NRXN3: variants seen among roughly 807,000 people sequenced by gnomAD.
NRXN3 encodes neurexin III.
A neutral mutation model predicts 137.6 loss-of-function variants in NRXN3; 32 were observed. That is an observed-to-expected ratio of 0.23 (90% CI 0.18 to 0.31). NRXN3 has a LOEUF of 0.31. Among genes scored for constraint, NRXN3 ranks in the 10% least tolerant of loss-of-function variants. The probability of loss-of-function intolerance (pLI) is 1.00; values close to 1 mark genes in which losing one functional copy is unlikely to be tolerated. For missense variants in NRXN3, 1,574 were observed against 2,062.5 expected, an observed-to-expected ratio of 0.76 and a Z score of 4.59; for synonymous variants, 798 against 784.5, an observed-to-expected ratio of 1.02 and a Z score of -0.29.
At chr14:78,684,113 G>C (rs1334876889) in intron 6 of NRXN3, among the ~76,000 whole-genome samples, 1 of 151,952 alleles carries the variant, frequency 6.6e-6, no homozygotes, top group Admixed American at 6.6e-5. Flanking sequence ...TCTCATCTGG[G>C]GGCCTCTCTT....
intron 14 of NRXN3, among the ~76,000 whole-genome samples, chr14:78,969,751 T>G (rs955627317): frequency 6.6e-5 from 10 of 152,114 alleles, no homozygotes; most frequent in Non-Finnish European, 1.5e-4. Context: ...ACCCACTCCA[T>G]TTTTCCTTTA....
At chr14:79,148,406 G>C (rs2059497635) in intron 15 of NRXN3, among the ~76,000 whole-genome samples, 1 of 152,174 alleles carries the variant, frequency 6.6e-6, no homozygotes. Context: ...ACAGAGCCAA[G>C]CTGCTGTTGT....
chr14:78,667,974 C>T (rs1400017222), intron 6 of NRXN3, among the ~76,000 whole-genome samples: 8 of 152,048 alleles, frequency 5.3e-5, no homozygotes, highest in African/African-American at 9.7e-5. Flanking sequence ...TTGGTAGAGA[C>T]GGGATTTCAC....
At chr14:78,450,025 T>A (rs1013714119) in intron 4 of NRXN3, among the ~76,000 whole-genome samples, 5 of 152,152 alleles carry the variant, frequency 3.3e-5, no homozygotes, top group Non-Finnish European at 5.9e-5. Context: ...TGACAGAGGG[T>A]CCCAAAGGTG....
At chr14:79,277,019 A>G (rs1455495356) in intron 15 of NRXN3, among the ~76,000 whole-genome samples, 1 of 152,216 alleles carries the variant, frequency 6.6e-6, no homozygotes, top group Non-Finnish European at 1.5e-5. Flanking sequence ...ACAAGTATAC[A>G]GATAAAATAA....
intron 16 of NRXN3, among the ~76,000 whole-genome samples, chr14:79,546,034 C>T (rs142120290): frequency 1.3e-5 from 2 of 152,096 alleles, no homozygotes; most frequent in Non-Finnish European, 2.9e-5. Context: ...AGCTTCTCTG[C>T]ACAAGCTCTC....
chr14:78,969,889 C>A (rs75305665), intron 14 of NRXN3, among the ~76,000 whole-genome samples: 3,152 of 150,088 alleles, frequency 0.021, 42 homozygotes, highest in Non-Finnish European at 0.033. Flanking sequence ...ATCACTAAGC[C>A]CTTAAAGCAG....
At chr14:79,519,979 G>A (rs2097046865) in intron 16 of NRXN3, among the ~76,000 whole-genome samples, 2 of 151,882 alleles carry the variant, frequency 1.3e-5, no homozygotes, top group African/African-American at 4.8e-5. Flanking sequence ...GAATAAGCAA[G>A]ATGATTTAAA....
At chr14:79,852,678 C>T (rs879845909) in intron 20 of NRXN3, among the ~76,000 whole-genome samples, 24 of 151,814 alleles carry the variant, frequency 1.6e-4, no homozygotes, top group African/African-American at 3.9e-4. Context: ...TTGGCTATCA[C>T]GAAAAGGGGA....
intron 15 of NRXN3, among the ~76,000 whole-genome samples, chr14:79,140,078 A>G (rs1370028120): frequency 1.3e-5 from 2 of 152,024 alleles, no homozygotes; most frequent in East Asian, 1.9e-4. Context: ...TGAAGACAAT[A>G]AAATTGTCAT....
At position 79,750,508 on chromosome 14, in the gene NRXN3, A is replaced by T. The variant is rs181129246; in HGVS notation, c.4014+52571A>T. On this transcript the variant is annotated intron_variant, in intron 19 of 20. Coordinates refer to ENST00000335750, the MANE Select transcript of NRXN3 (RefSeq NM_001330195.2). Reference sequence around the variant, plus strand: ...AGACTTTCAGCAAGTTGTCTTTATGATTCTCTATTCTATGACATACTTTGT... The same window carrying T: ...AGACTTTCAGCAAGTTGTCTTTATGTTTCTCTATTCTATGACATACTTTGT... Among the ~76,000 whole-genome samples, 409 of 152,234 alleles carry T rather than the reference A, an allele frequency of 2.7e-3. 1 individual carries two copies. Among genetic ancestry groups the T allele is most frequent in the Non-Finnish European group, 4.0e-3 (274 of 68,012 alleles).
At chr14:79,632,067 T>C (rs1396909617) in intron 16 of NRXN3, among the ~76,000 whole-genome samples, 8 of 152,100 alleles carry the variant, frequency 5.3e-5, no homozygotes, top group Non-Finnish European at 1.2e-4. Flanking sequence ...GGAAGCTTTG[T>C]TCTTTCACTC....
intron 6 of NRXN3, among the ~76,000 whole-genome samples, chr14:78,704,424 C>T (rs2098324527): frequency 6.6e-6 from 1 of 152,104 alleles, no homozygotes; most frequent in African/African-American, 2.4e-5. Flanking sequence ...CCTAGGAAAC[C>T]CAGTGAACAA....
rs139279711 is a variant in NRXN3 at position 79,004,217 on chromosome 14, T to C, written c.3262+16076T>C. 8.1e-3 allele frequency among the ~76,000 whole-genome samples: 1,228 copies of C among 152,326 alleles called. 11 individuals carry two copies. The highest frequency in any genetic ancestry group is 0.011 in the Non-Finnish European group (772 of 68,020). ...GAGTAAAATGTGATTCATTTACTTC[T>C]GAGCCTTTGCATGGTGTTCATATAA... On this transcript the variant is annotated intron_variant, in intron 15 of 20. Transcript: ENST00000335750.
intron 15 of NRXN3, among the ~76,000 whole-genome samples, chr14:79,233,479 T>C (rs1195628470): frequency 1.3e-5 from 2 of 152,260 alleles, no homozygotes; most frequent in African/African-American, 4.8e-5. Context: ...CTTTATATCA[T>C]GCGGGCTTTG....
chr14:78,914,090 A>G (rs1351175867), intron 10 of NRXN3, among the ~76,000 whole-genome samples: 2 of 151,976 alleles, frequency 1.3e-5, no homozygotes, highest in African/African-American at 4.8e-5. Flanking sequence ...GACCCTCTTC[A>G]TTTGCTGTGA....
chr14:79,340,744 G>A (rs575225481), intron 15 of NRXN3, among the ~76,000 whole-genome samples: 117 of 152,292 alleles, frequency 7.7e-4, no homozygotes, highest in East Asian at 1.7e-3. Context: ...GATTACAGGC[G>A]TAAGCCACCG....
At chr14:79,835,820 A>G (rs77362933) in intron 20 of NRXN3, among the ~76,000 whole-genome samples, 4,347 of 152,314 alleles carry the variant, frequency 0.029, 194 homozygotes, top group African/African-American at 0.1. Flanking sequence ...ACACTAAACC[A>G]CATCCCTGCA....
At chr14:79,623,849 G>A (rs75298374) in intron 16 of NRXN3, among the ~76,000 whole-genome samples, 1 of 98,026 alleles carries the variant, frequency 1.0e-5, no homozygotes, top group South Asian at 3.7e-4. Context: ...CTTAGCTCCT[G>A]TTTTTTTTTT....
Sources: allele counts gnomAD v4.1 joint callset (sites outside exome capture counted in the v4.1 genomes callset), GRCh38; gene constraint gnomAD v4.1.1; transcripts MANE v1.5; gene names NCBI Gene and HGNC (gene_info 2026-07-23, HGNC 2026-07-21).